Variants in ALG9 observed in about 807,000 individuals in gnomAD.
ALG9 encodes the protein alpha-1,2-mannosyltransferase ALG9.
In ALG9, 55 loss-of-function variants were observed where a neutral mutation model predicts 81.8. The observed-to-expected ratio is 0.67, with a 90% CI of 0.54 to 0.84. The LOEUF is 0.84. Among genes scored for constraint, ALG9 ranks in the 40% least tolerant of loss-of-function variants. ALG9 has a pLI of 0.00. For synonymous variants in ALG9, 278 were observed against 274.3 expected (o/e 1.01, Z -0.13); for missense variants, 629 against 745.0 (o/e 0.84, Z 1.81).
At chr11:111,862,129 C>A (rs978724937) in intron 4 of ALG9, among the ~76,000 whole-genome samples, 2 of 152,124 alleles carry the variant, frequency 1.3e-5, no homozygotes, top group Non-Finnish European at 2.9e-5. Flanking sequence ...AGAAAATTCT[C>A]AGCTATTAAT....
intron 8 of ALG9, chr11:111,849,842 T>A (rs556153858): frequency 6.6e-6 from 1 of 152,372 alleles, no homozygotes; most frequent in East Asian, 1.9e-4. Flanking sequence ...TATTCTATGG[T>A]GTATACAGCA....
intron 14 of ALG9, 118 bp downstream of exon 14, chr11:111,809,517 TACACACAC>T: frequency 4.3e-6 from 4 of 939,582 alleles, no homozygotes; most frequent in Non-Finnish European, 6.5e-6. Flanking sequence ...GAGACTCCAT[TACACACAC>T]ACACACACAC....
intron 5 of ALG9, chr11:111,858,020 C>A: frequency 1.1e-5 from 4 of 379,584 alleles, no homozygotes. Flanking sequence ...CTCACTGCAA[C>A]CTGATTCCCT....
intron 5 of ALG9, 92 bp from the exon 6 acceptor site, chr11:111,857,829 T>A: frequency 1.4e-6 from 2 of 1,409,596 alleles, no homozygotes; most frequent in Non-Finnish European, 2.0e-6. Context: ...TTTACCTACA[T>A]TATAAAATGT....
At chr11:111,870,513 C>G in intron 1 of ALG9, 143 bp from the exon 2 acceptor site, 1 of 1,153,352 alleles carries the variant, frequency 8.7e-7, no homozygotes, top group Admixed American at 3.7e-5. Context: ...AGGTGAATAG[C>G]TAGTTGTTTT....
chr11:111,827,691 A>G (rs1953595111), intron 13 of ALG9, among the ~76,000 whole-genome samples: 1 of 151,536 alleles, frequency 6.6e-6, no homozygotes, highest in African/African-American at 2.4e-5. Flanking sequence ...ACATGGTGAA[A>G]CCCTGTCTCT....
intron 14 of ALG9, among the ~76,000 whole-genome samples, chr11:111,804,287 G>A (rs1340815071): frequency 6.6e-6 from 1 of 152,180 alleles, no homozygotes; most frequent in South Asian, 2.1e-4. Flanking sequence ...GAATTGAGAA[G>A]ATGGACTTCA....
At chr11:111,833,058 T>A (rs1954651291) in intron 13 of ALG9, among the ~76,000 whole-genome samples, 1 of 152,040 alleles carries the variant, frequency 6.6e-6, no homozygotes, top group Non-Finnish European at 1.5e-5. Context: ...ACAGGAAAAC[T>A]TCCAGCAAGT....
chr11:111,846,585 T>C (rs1451212295), intron 8 of ALG9, among the ~76,000 whole-genome samples: 1 of 152,174 alleles, frequency 6.6e-6, no homozygotes, highest in Non-Finnish European at 1.5e-5. Flanking sequence ...ATAAATCAAG[T>C]TTCCAACTAG....
intron 2 of ALG9, 123 bp from the exon 3 acceptor site, chr11:111,868,859 A>C: frequency 9.9e-7 from 1 of 1,011,870 alleles, no homozygotes; most frequent in South Asian, 2.3e-5. Flanking sequence ...GATGCCTCAC[A>C]CCTATAATCC....
chr11:111,845,856 C>T (rs1306232474), intron 8 of ALG9, among the ~76,000 whole-genome samples: 1 of 152,062 alleles, frequency 6.6e-6, no homozygotes, highest in Non-Finnish European at 1.5e-5. Context: ...GAAACCAAAC[C>T]CATAATGCTA....
chr11:111,824,620 T>C (rs985472077), intron 13 of ALG9, among the ~76,000 whole-genome samples: 1 of 152,232 alleles, frequency 6.6e-6, no homozygotes, highest in East Asian at 1.9e-4. Context: ...TGGCAAAACA[T>C]GCTTATAAAA....
intron 14 of ALG9, among the ~76,000 whole-genome samples, chr11:111,801,253 T>C (rs782759498): frequency 6.6e-6 from 1 of 152,232 alleles, no homozygotes; most frequent in African/African-American, 2.4e-5. Context: ...ACCTCAGCTC[T>C]GAGGCACACA....
rs1946377933 is a variant in ALG9, at chr11:111,785,545, C to A, written c.*852G>T. 6.5e-6 allele frequency: 1 copy of A among 153,830 alleles called. No homozygotes were observed. The highest frequency in any genetic ancestry group is 1.9e-4 in the East Asian group (1 of 5,224). The allele number at this position is 153,830 out of a possible 1,614,324, so 9.5% of individuals were successfully genotyped here. ...TTTCCTCAGCAATGGCCTCAGATTA[C>A]ATTACTTAAAAATGTGATGTCATCC... On this transcript the variant is annotated 3_prime_UTR_variant, in exon 15 of 15. Coordinates refer to ENST00000616540, the MANE Select transcript of ALG9 (RefSeq NM_024740.2).
At chr11:111,858,152 G>C (rs1555144970) in intron 5 of ALG9, among the ~76,000 whole-genome samples, 1 of 152,092 alleles carries the variant, frequency 6.6e-6, no homozygotes, top group Admixed American at 6.5e-5. Context: ...GGCCAGGCTG[G>C]TCTCGAGCTC....
chr11:111,827,481 T>A (rs1343920833), intron 13 of ALG9, among the ~76,000 whole-genome samples: 2 of 138,856 alleles, frequency 1.4e-5, no homozygotes, highest in African/African-American at 4.9e-5. Context: ...TTCTGTCACC[T>A]ATTTTCAGCA....
chr11:111,809,568 G>A, intron 14 of ALG9, 75 bp downstream of exon 14: 2 of 1,571,002 alleles, frequency 1.3e-6, no homozygotes, highest in Non-Finnish European at 1.7e-6. Flanking sequence ...CCCAGGACTG[G>A]AAGTTATATA....
chr11:111,834,012 T>G (rs1406260356), intron 13 of ALG9, among the ~76,000 whole-genome samples: 6 of 152,208 alleles, frequency 3.9e-5, no homozygotes, highest in African/African-American at 1.4e-4. Context: ...AAAAGTGAAC[T>G]ACTGGGTACA....
rs1473123909 is a variant in ALG9 at position 111,860,637 on chromosome 11, T to C, written c.477-2A>G. ...AACCCAAACTTCTTGCACACAGCCC[T>C]AGGAAAAAGGCAAAGACTATCAGCA... On this transcript the variant is annotated splice_acceptor_variant, in intron 4 of 14. Transcript: ENST00000616540. LOFTEE classifies it high-confidence loss of function. 6.2e-7 allele frequency: 1 copy of C among 1,611,484 alleles called. No homozygotes were observed. Among genetic ancestry groups the C allele is most frequent in the Non-Finnish European group, 8.5e-7 (1 of 1,178,570 alleles).
Sources: allele counts gnomAD v4.1 joint callset (sites outside exome capture counted in the v4.1 genomes callset), GRCh38; gene constraint gnomAD v4.1.1; transcripts MANE v1.5; gene names NCBI Gene and HGNC (gene_info 2026-07-23, HGNC 2026-07-21).